The following CACNA2D3 variants were observed in gnomAD, a reference collection of about 807,000 sequenced individuals.
The protein encoded by CACNA2D3 is calcium voltage-gated channel auxiliary subunit alpha2delta 3.
In CACNA2D3, 60 loss-of-function variants were observed where a neutral mutation model predicts 160.6. The observed-to-expected ratio is 0.37, with a 90% CI of 0.30 to 0.46. The LOEUF is 0.46. Among genes scored for constraint, CACNA2D3 ranks in the 20% least tolerant of loss-of-function variants. The pLI is 1.00. For synonymous variants in CACNA2D3, 558 were observed against 492.9 expected, an observed-to-expected ratio of 1.13 and a Z score of -1.75; for missense variants, 1,205 against 1,365.0, an observed-to-expected ratio of 0.88 and a Z score of 1.85.
At chr3:54,817,383 G>C (rs1230414548) in intron 14 of CACNA2D3, among the ~76,000 whole-genome samples, 2 of 152,140 alleles carry the variant, frequency 1.3e-5, no homozygotes, top group African/African-American at 4.8e-5. Flanking sequence ...CCAATGGCCA[G>C]ACCCTTTCAC....
chr3:54,549,421 G>T (rs1380240101), intron 5 of CACNA2D3, among the ~76,000 whole-genome samples: 3 of 152,206 alleles, frequency 2.0e-5, no homozygotes, highest in Non-Finnish European at 4.4e-5. Context: ...AGTCTGGCCT[G>T]GGCGAAAGAG....
intron 4 of CACNA2D3, among the ~76,000 whole-genome samples, chr3:54,417,307 G>A (rs1699768133): frequency 6.6e-6 from 1 of 152,152 alleles, no homozygotes; most frequent in South Asian, 2.1e-4. Flanking sequence ...TTCCCATGCT[G>A]GTAGGTATTA....
chr3:54,200,260 A>G (rs1701155119), intron 2 of CACNA2D3, among the ~76,000 whole-genome samples: 2 of 152,316 alleles, frequency 1.3e-5, no homozygotes, highest in South Asian at 4.1e-4. Context: ...TTGGGTGGGT[A>G]GTCCATCCTG....
At position 54,997,690 on chromosome 3, in the gene CACNA2D3, G is replaced by A. The variant is rs567582434; in HGVS notation, c.2691-7073G>A. Among the ~76,000 whole-genome samples, 4 of 152,244 alleles carry A rather than the reference G, an allele frequency of 2.6e-5. No individual in the cohort carries two copies. In the South Asian group the frequency reaches 8.3e-4, roughly 32 times the overall value. The stretch of plus-strand genomic sequence containing the variant: ...ACAGTGAGCTATGTGCCACTGCACT[G>A]AAGCCTGGGTGACAGAACAATACCC... On this transcript the variant is annotated intron_variant, in intron 31 of 37. Coordinates refer to ENST00000474759, the MANE Select transcript of CACNA2D3 (RefSeq NM_018398.3).
At chr3:54,143,278 G>A (rs1699969975) in intron 2 of CACNA2D3, among the ~76,000 whole-genome samples, 1 of 152,170 alleles carries the variant, frequency 6.6e-6, no homozygotes, top group Admixed American at 6.5e-5. Flanking sequence ...ATGATGGCAC[G>A]GGCTTCAGAA....
intron 12 of CACNA2D3, among the ~76,000 whole-genome samples, chr3:54,757,702 G>A (rs531913360): frequency 3.9e-5 from 6 of 152,330 alleles, no homozygotes; most frequent in Non-Finnish European, 8.8e-5. Context: ...CTAAGTGCCA[G>A]GCATAGAACA....
At chr3:54,489,713 G>C (rs1701076964) in intron 4 of CACNA2D3, among the ~76,000 whole-genome samples, 1 of 152,248 alleles carries the variant, frequency 6.6e-6, no homozygotes, top group Non-Finnish European at 1.5e-5. Flanking sequence ...AGCGAGGCCT[G>C]CAGAAAGCTG....
chr3:54,941,479 T>C lies in CACNA2D3; in HGVS notation c.2450-26971T>C, dbSNP rs906187829. On this transcript the variant is annotated intron_variant, in intron 27 of 37. Transcript: ENST00000474759. ...TTTAAGACTCCAGTTTCATCTGTCGTTTTCCCCCTCCATTCATTGTTCATC... is the reference window on the plus strand; with the variant it reads ...TTTAAGACTCCAGTTTCATCTGTCGCTTTCCCCCTCCATTCATTGTTCATC... 2.7e-4 allele frequency among the ~76,000 whole-genome samples: 41 copies of C among 152,274 alleles called. 1 individual carries two copies. Among genetic ancestry groups the C allele is most frequent in the African/African-American group, 9.4e-4 (39 of 41,562 alleles).
chr3:54,888,096 C>A, intron 24 of CACNA2D3, 44 bp downstream of exon 24: 1 of 1,353,060 alleles, frequency 7.4e-7, no homozygotes, highest in Non-Finnish European at 1.1e-6. Context: ...ATTTCCTCAC[C>A]AACACTCCGA....
rs184325271 is a variant in CACNA2D3, at chr3:54,376,589, C to G, written c.322-10126C>G. On this transcript the variant is annotated intron_variant, in intron 3 of 37. Transcript: ENST00000474759. ...TGTGGCCCTCCTATTGTAGCCCACG[C>G]CACATTATCTAGTTATTTGCCTCTT... 2.8e-3 allele frequency among the ~76,000 whole-genome samples: 428 copies of G among 152,274 alleles called. 2 individuals carry two copies. Among genetic ancestry groups the G allele is most frequent in the Non-Finnish European group, 4.0e-3 (272 of 68,028 alleles).
intron 2 of CACNA2D3, among the ~76,000 whole-genome samples, chr3:54,317,537 C>CTT (rs146924643): frequency 6.7e-6 from 1 of 150,044 alleles, no homozygotes; most frequent in Non-Finnish European, 1.5e-5. Flanking sequence ...GCCAAACTCA[C>CTT]TTTTTTTTTT....
intron 14 of CACNA2D3, among the ~76,000 whole-genome samples, chr3:54,826,991 T>A (rs1293295660): frequency 3.9e-5 from 6 of 152,224 alleles, no homozygotes; most frequent in Admixed American, 3.3e-4. Context: ...ATTCATTTAA[T>A]GCCTCCAAGA....
intron 2 of CACNA2D3, among the ~76,000 whole-genome samples, chr3:54,208,466 C>A (rs1367055917): frequency 6.6e-6 from 1 of 152,162 alleles, no homozygotes; most frequent in African/African-American, 2.4e-5. Context: ...AGCTGGTTTC[C>A]AATAGCCCTG....
chr3:54,740,964 G>T (rs961573169), intron 11 of CACNA2D3, among the ~76,000 whole-genome samples: 1 of 152,196 alleles, frequency 6.6e-6, no homozygotes, highest in African/African-American at 2.4e-5. Flanking sequence ...AGGGGACACT[G>T]TCCAGAGGCA....
intron 3 of CACNA2D3, among the ~76,000 whole-genome samples, chr3:54,339,392 C>A (rs78970585): frequency 5.9e-5 from 9 of 152,198 alleles, no homozygotes; most frequent in Admixed American, 4.6e-4. Flanking sequence ...CCAAATACCC[C>A]CTTCACCCCT....
intron 4 of CACNA2D3, among the ~76,000 whole-genome samples, chr3:54,478,652 A>ATG (rs765126053): frequency 0.42 from 32,016 of 76,644 alleles, 13,168 homozygotes; most frequent in East Asian, 0.57. Flanking sequence ...ATATATAAAT[A>ATG]TGTGTGTGTA....
rs76131825 is a variant in CACNA2D3 at position 54,422,403 on chromosome 3, A to G, written c.381+35629A>G. On this transcript the variant is annotated intron_variant, in intron 4 of 37. Coordinates refer to ENST00000474759, the MANE Select transcript of CACNA2D3 (RefSeq NM_018398.3). Reference sequence around the variant, plus strand: ...TTTCCAATTTTGAAATGTTTAAGAAAATGTTTAAGGAAACAGACAAAGGAC... The same window carrying G: ...TTTCCAATTTTGAAATGTTTAAGAAGATGTTTAAGGAAACAGACAAAGGAC... Among the ~76,000 whole-genome samples, 513 of 152,344 alleles carry G rather than the reference A, an allele frequency of 3.4e-3. 20 individuals carry two copies. In the East Asian group the frequency reaches 0.074, roughly 22 times the overall value.
chr3:54,710,860 T>G (rs1700940009), intron 11 of CACNA2D3, among the ~76,000 whole-genome samples: 1 of 152,236 alleles, frequency 6.6e-6, no homozygotes, highest in South Asian at 2.1e-4. Flanking sequence ...AGGATATTAC[T>G]TAGAATATTT....
At chr3:54,469,060 C>T (rs779746735) in intron 4 of CACNA2D3, among the ~76,000 whole-genome samples, 1 of 152,230 alleles carries the variant, frequency 6.6e-6, no homozygotes, top group Non-Finnish European at 1.5e-5. Context: ...TCTCCCAGCA[C>T]AGTGCTTGAG....
Sources: allele counts gnomAD v4.1 joint callset (sites outside exome capture counted in the v4.1 genomes callset), GRCh38; gene constraint gnomAD v4.1.1; transcripts MANE v1.5; gene names NCBI Gene and HGNC (gene_info 2026-07-23, HGNC 2026-07-21).